The following PRPSAP2 variants were observed in gnomAD, a reference collection of about 807,000 sequenced individuals.
PRPSAP2 encodes the protein phosphoribosyl pyrophosphate synthetase associated protein 2, also known as phosphoribosyl pyrophosphate synthase-associated protein 2.
A neutral mutation model predicts 40.6 loss-of-function variants in PRPSAP2; 24 were observed. The ratio of observed to expected loss-of-function variants is 0.59; its 90% confidence interval spans 0.43 to 0.83. The LOEUF (loss-of-function observed/expected upper bound fraction) is 0.83. Among genes scored for constraint, PRPSAP2 ranks in the 40% least tolerant of loss-of-function variants. The pLI is 0.00. For missense variants in PRPSAP2, 292 were observed against 465.6 expected (o/e 0.63, Z 3.43); for synonymous variants, 149 against 164.7 (o/e 0.90, Z 0.73).
chr17:18,871,990 G>T (rs1198206689), intron 4 of PRPSAP2, among the ~76,000 whole-genome samples: 1 of 152,116 alleles, frequency 6.6e-6, no homozygotes, highest in Non-Finnish European at 1.5e-5. Context: ...CTGTGCTCAG[G>T]CTGGGCACGG....
At chr17:18,928,769 A>G (rs1341222009) in intron 10 of PRPSAP2, 42 bp from the exon 11 acceptor site, 2 of 1,609,046 alleles carry the variant, frequency 1.2e-6, no homozygotes, top group African/African-American at 1.3e-5. Context: ...CTATTATTGT[A>G]GAAGTGCTCA....
intron 8 of PRPSAP2, among the ~76,000 whole-genome samples, chr17:18,902,059 C>T (rs1363455261): frequency 1.3e-5 from 2 of 152,174 alleles, no homozygotes; most frequent in East Asian, 3.9e-4. Context: ...TCCGGGATTA[C>T]AGGCATGAGC....
chr17:18,871,334 T>C (rs2037851640), intron 4 of PRPSAP2, among the ~76,000 whole-genome samples: 1 of 152,196 alleles, frequency 6.6e-6, no homozygotes, highest in Admixed American at 6.6e-5. Flanking sequence ...GGGTCTTTTA[T>C]AGTTGTTTTT....
intron 9 of PRPSAP2, chr17:18,917,358 G>T (rs1016933639): frequency 6.6e-6 from 1 of 151,056 alleles, no homozygotes; most frequent in Non-Finnish European, 1.5e-5. Context: ...AGGGGAACAG[G>T]AGGGGCAGAA....
chr17:18,929,984 G>T (rs565503103), intron 11 of PRPSAP2, among the ~76,000 whole-genome samples: 23 of 151,766 alleles, frequency 1.5e-4, no homozygotes, highest in Non-Finnish European at 8.8e-5. Context: ...CCGTGAGTTG[G>T]GGGGGGGCTC....
intron 8 of PRPSAP2, among the ~76,000 whole-genome samples, chr17:18,891,679 T>C (rs1206857165): frequency 1.3e-5 from 2 of 152,206 alleles, no homozygotes; most frequent in Non-Finnish European, 2.9e-5. Context: ...GTCTCTGTTT[T>C]CAGAACATTT....
At chr17:18,891,451 A>G (rs2039540194) in intron 8 of PRPSAP2, among the ~76,000 whole-genome samples, 2 of 152,208 alleles carry the variant, frequency 1.3e-5, no homozygotes, top group African/African-American at 4.8e-5. Flanking sequence ...TGTCCATTTG[A>G]TTAAATTGTA....
At chr17:18,891,826 A>T (rs935769849) in intron 8 of PRPSAP2, among the ~76,000 whole-genome samples, 1 of 152,126 alleles carries the variant, frequency 6.6e-6, no homozygotes, top group African/African-American at 2.4e-5. Flanking sequence ...AGGTTCATCT[A>T]TGGTGTAGCA....
At chr17:18,887,225 C>T (rs562206338) in intron 7 of PRPSAP2, among the ~76,000 whole-genome samples, 1 of 151,958 alleles carries the variant, frequency 6.6e-6, no homozygotes, top group African/African-American at 2.4e-5. Flanking sequence ...GTGAAGCCAC[C>T]GTGCCCGGCT....
upstream of PRPSAP2, among the ~76,000 whole-genome samples, chr17:18,857,257 C>A (rs554427081): frequency 6.6e-6 from 1 of 151,248 alleles, no homozygotes; most frequent in Non-Finnish European, 1.5e-5. Flanking sequence ...ATCGCTTGAA[C>A]CCGGGAGACG....
chr17:18,882,414 G>A (rs1228249760), intron 6 of PRPSAP2, among the ~76,000 whole-genome samples, 154 bp from the exon 7 acceptor site: 1 of 151,944 alleles, frequency 6.6e-6, no homozygotes, highest in Non-Finnish European at 1.5e-5. Flanking sequence ...TCAAGGCTGA[G>A]GTGAGAGGAT....
chr17:18,916,933 A>G (rs187215380), intron 9 of PRPSAP2, among the ~76,000 whole-genome samples: 46 of 152,278 alleles, frequency 3.0e-4, no homozygotes, highest in Admixed American at 2.7e-3. Flanking sequence ...ATACTATCAC[A>G]TTGGGTATTA....
intron 4 of PRPSAP2, among the ~76,000 whole-genome samples, chr17:18,870,804 GT>G: frequency 9.8e-6 from 1 of 102,320 alleles, no homozygotes; most frequent in African/African-American, 3.7e-5. Context: ...GCAAGACCTT[GT>G]CTCAAAAAAA....
In PRPSAP2 at chr17:18,883,463, C is replaced by G. The variant is rs2892016; in HGVS notation, c.528+780C>G. ...TCACTCCCAGGCTGGAGTGTAATGG[C>G]GCAATCTCAGCCCACTGAAACCTCC... On this transcript the variant is annotated intron_variant, in intron 7 of 11. Coordinates refer to ENST00000268835, the MANE Select transcript of PRPSAP2 (RefSeq NM_002767.4). Among the ~76,000 whole-genome samples, 485 of 144,596 alleles carry G rather than the reference C, an allele frequency of 3.4e-3. 2 individuals are homozygous for G. The highest frequency in any genetic ancestry group is 0.012 in the African/African-American group (451 of 38,976). 94.9% of individuals were successfully genotyped at this position (144,596 alleles called of 152,430 possible).
intron 8 of PRPSAP2, among the ~76,000 whole-genome samples, chr17:18,895,934 C>T (rs1597649401): frequency 6.6e-6 from 1 of 151,986 alleles, no homozygotes; most frequent in East Asian, 1.9e-4. Flanking sequence ...GCCAAAACTT[C>T]TTACTTTAAA....
intron 8 of PRPSAP2, among the ~76,000 whole-genome samples, chr17:18,906,971 T>C (rs1397501746): frequency 6.6e-6 from 1 of 151,988 alleles, no homozygotes; most frequent in Admixed American, 6.6e-5. Context: ...ATACTAATAG[T>C]ATTTAGTACT....
Position 18,911,663 on chromosome 17 carries a change from C to T in PRPSAP2, c.733+412C>T, listed in dbSNP as rs9891309. Among the ~76,000 whole-genome samples, 27,306 of 151,964 alleles carry T rather than the reference C, an allele frequency of 0.18. 2,689 individuals are homozygous for T. The highest frequency in any genetic ancestry group is 0.25 in the African/African-American group (10,160 of 41,414). ...AGAGTGTAGGGCTTGGTAAATTATA[C>T]TGTGTCAGTACAGCTAATTATGCAG... On this transcript the variant is annotated intron_variant, in intron 9 of 11. Coordinates refer to ENST00000268835, the MANE Select transcript of PRPSAP2 (RefSeq NM_002767.4). This position sits in a 1 kb window ranked among gnomAD's most constrained non-coding sequence, Gnocchi z 4.5.
chr17:18,889,574 G>T (rs1225080784), intron 7 of PRPSAP2, among the ~76,000 whole-genome samples: 2 of 152,166 alleles, frequency 1.3e-5, no homozygotes. Context: ...TGCATCATTA[G>T]TATTTGCTGG....
intron 8 of PRPSAP2, among the ~76,000 whole-genome samples, chr17:18,891,341 A>G (rs2039533844): frequency 6.6e-6 from 1 of 152,154 alleles, no homozygotes; most frequent in Non-Finnish European, 1.5e-5. Context: ...TTGAGATAAA[A>G]CCATTACATG....
Sources: allele counts gnomAD v4.1 joint callset (sites outside exome capture counted in the v4.1 genomes callset), GRCh38; gene constraint gnomAD v4.1.1; non-coding constraint Gnocchi (gnomAD v3.1); transcripts MANE v1.5; gene names NCBI Gene and HGNC (gene_info 2026-07-23, HGNC 2026-07-21).